The following ADAMTS7 variants were observed in gnomAD, a reference collection of about 807,000 sequenced individuals.
ADAMTS7 encodes the protein A disintegrin and metalloproteinase with thrombospondin motifs 7.
A neutral mutation model predicts 172.6 loss-of-function variants in ADAMTS7; 89 were observed. That is an observed-to-expected ratio of 0.52 (90% CI 0.43 to 0.61). ADAMTS7 has a LOEUF of 0.61. Ranked by LOEUF, ADAMTS7 falls within the 20% of genes least tolerant of loss-of-function variation. The pLI is 0.00. For synonymous variants in ADAMTS7, 885 were observed against 978.4 expected, an observed-to-expected ratio of 0.90 and a Z score of 1.78; for missense variants, 1,973 against 2,355.6, an observed-to-expected ratio of 0.84 and a Z score of 3.36.
rs2055301901 is a variant in ADAMTS7 at position 78,774,285 on chromosome 15, A to T, written c.1892T>A (p.Leu631Gln). ...GTACTCATTCGCGGGCCGGCAGTGC[A>T]GCTCGCAGGGGTTCACTGAGGGCCC... ...PVVNDVNPCE[L>Q]HCRPANEYFA... is the part of the protein sequence containing the mutation. The change falls in exon 13 of 24, where the codon CTG (leucine) becomes CAG (glutamine). Residue 631 changes from leucine to glutamine, a missense_variant. Around this residue, in one of 8 missense-constraint regions of ADAMTS7, gnomAD observed 526 missense variants for 662.9 expected, o/e 0.79. Transcript: ENST00000388820. 5 of 1,573,372 alleles carry T rather than the reference A, an allele frequency of 3.2e-6. No individual in the cohort carries two copies. The highest frequency in any genetic ancestry group is 4.3e-6 in the Non-Finnish European group (5 of 1,169,078).
intron 19 of ADAMTS7, 144 bp from the exon 20 acceptor site, chr15:78,764,851 G>T (rs1427895686): frequency 2.8e-5 from 24 of 853,706 alleles, no homozygotes; most frequent in Non-Finnish European, 3.7e-5. Context: ...TGCAAAATAG[G>T]CTCCTTCACC....
intron 8 of ADAMTS7, among the ~76,000 whole-genome samples, chr15:78,783,480 G>A (rs1382579958): frequency 6.6e-6 from 1 of 151,720 alleles, no homozygotes; most frequent in Admixed American, 6.6e-5. Flanking sequence ...GTTTCACCAT[G>A]TTGGCCAGGC....
chr15:78,787,574 G>A (rs1408771236), intron 8 of ADAMTS7, among the ~76,000 whole-genome samples: 1 of 152,162 alleles, frequency 6.6e-6, no homozygotes, highest in Non-Finnish European at 1.5e-5. Flanking sequence ...TGAGGCAGGA[G>A]AATCGCTTGA....
rs74679220 is a variant in ADAMTS7 at position 78,791,892 on chromosome 15, C to T, written c.820-669G>A. Among the ~76,000 whole-genome samples, 470 of 152,236 alleles carry T rather than the reference C, an allele frequency of 3.1e-3. 3 individuals are homozygous for T. The highest frequency in any genetic ancestry group is 0.011 in the African/African-American group (448 of 41,540). On this transcript the variant is annotated intron_variant, in intron 4 of 23. Coordinates refer to ENST00000388820, the MANE Select transcript of ADAMTS7 (RefSeq NM_014272.5). ...TGAGACCCAGGAGACGGGGCTATCC[C>T]CAAAGATGGAAGATAAGCCAAGGTG...
At chr15:78,776,660 CT>C in intron 10 of ADAMTS7, 88 bp downstream of exon 10, 1 of 1,318,714 alleles carries the variant, frequency 7.6e-7, no homozygotes, top group East Asian at 2.5e-5. Flanking sequence ...ACAAGCAAGA[CT>C]GTGAGCCGGG....
chr15:78,767,144 G>A lies in ADAMTS7; in HGVS notation c.2860-93C>T, dbSNP rs547206205. ...CTGGGTAACCTGTCCACTGCCCGAT[G>A]TCAGAGTGGCAGAGACCCCAGCCAG... is the stretch of plus-strand genomic sequence containing the variant. On this transcript the variant is annotated intron_variant, in intron 18 of 23. Coordinates refer to ENST00000388820, the MANE Select transcript of ADAMTS7 (RefSeq NM_014272.5). The A allele has an allele frequency of 7.3e-4, 997 of 1,366,542 alleles. 13 individuals carry two copies. The South Asian group carries it at 0.013, about 18-fold the overall frequency. 84.7% of individuals were successfully genotyped at this position (1,366,542 alleles called of 1,614,324 possible). A position where few individuals can be genotyped will look rare whatever the true frequency, so the allele number is the denominator to read the frequency against.
rs775626373 is a variant in ADAMTS7 at position 78,797,945 on chromosome 15, T to C, written c.622+3A>G. The C allele has an allele frequency of 3.1e-5, 49 of 1,596,934 alleles. No individual in the cohort carries two copies. The highest frequency in any genetic ancestry group is 6.8e-6 in the Non-Finnish European group (8 of 1,174,200). ...CCCGAGAACTGGGAGCAGAAGAGCA[T>C]ACCTTGCACTCCACAGGTGCTTGGA... On this transcript the variant is annotated splice_donor_region_variant and intron_variant, in intron 3 of 23. Coordinates refer to ENST00000388820, the MANE Select transcript of ADAMTS7 (RefSeq NM_014272.5).
chr15:78,775,703 C>T (rs1048071483), intron 11 of ADAMTS7, among the ~76,000 whole-genome samples: 3 of 152,232 alleles, frequency 2.0e-5, no homozygotes, highest in Non-Finnish European at 4.4e-5. Flanking sequence ...GCCCCTCCCG[C>T]TGAGTGCCCA....
At chr15:78,803,859 C>T (rs1229581064) in intron 1 of ADAMTS7, among the ~76,000 whole-genome samples, 1 of 152,222 alleles carries the variant, frequency 6.6e-6, no homozygotes, top group African/African-American at 2.4e-5. Context: ...GGTAACAAAA[C>T]CACAGGTGCT....
At position 78,789,074 on chromosome 15, in the gene ADAMTS7, G is replaced by A. The variant is rs188056764; in HGVS notation, c.1178+615C>T. 2.2e-3 allele frequency among the ~76,000 whole-genome samples: 341 copies of A among 152,330 alleles called. 3 individuals are homozygous for A. The highest frequency in any genetic ancestry group is 6.2e-4 in the South Asian group (3 of 4,826). The stretch of plus-strand genomic sequence containing the variant: ...CGGCCATCGCCTACGAAACCCGGAC[G>A]TCTGAATGGATGACCCCAACAGCTT... On this transcript the variant is annotated intron_variant, in intron 7 of 23. Transcript: ENST00000388820.
chr15:78,759,970 G>A (rs28590060), intron 23 of ADAMTS7, among the ~76,000 whole-genome samples: 44,659 of 151,338 alleles, frequency 0.3, 7,674 homozygotes, highest in Middle Eastern at 0.43. Context: ...CCTCCTGCCA[G>A]CCTGCAGCGG....
At chr15:78,807,924 G>C (rs1024736283) in intron 1 of ADAMTS7, among the ~76,000 whole-genome samples, 7 of 151,250 alleles carry the variant, frequency 4.6e-5, no homozygotes, top group African/African-American at 1.5e-4. Flanking sequence ...ATGCGATCGT[G>C]GTTTACTGCA....
chr15:78,776,409 G>C (rs531475132), intron 10 of ADAMTS7, 76 bp from the exon 11 acceptor site: 2 of 1,538,772 alleles, frequency 1.3e-6, no homozygotes, highest in Non-Finnish European at 1.8e-6. Flanking sequence ...AGAACAAGGT[G>C]GGTGGGAAGG....
At chr15:78,774,373 C>T (rs914165222) in intron 12 of ADAMTS7, 73 bp from the exon 13 acceptor site, 12 of 1,477,710 alleles carry the variant, frequency 8.1e-6, no homozygotes, top group Admixed American at 6.4e-5. Context: ...AAGACCCCTC[C>T]GTGACACACA....
In ADAMTS7 at chr15:78,776,903, C is replaced by T. The variant is rs540880804; in HGVS notation, c.1468-62G>A. 2.1e-4 allele frequency: 283 copies of T among 1,378,848 alleles called. 3 individuals are homozygous for T. The South Asian group carries it at 3.3e-3, about 16-fold the overall frequency. The allele number at this position is 1,378,848 out of a possible 1,614,324, so 85.4% of individuals were successfully genotyped here. ...CTCCCCAGTGCCGCCACCCACCCTG[C>T]CCCCCTCCCTGTCCCCAAGGGTCCC... On this transcript the variant is annotated intron_variant, in intron 9 of 23. Transcript: ENST00000388820.
chr15:78,759,472 C>A lies in ADAMTS7; in HGVS notation c.5010G>T (p.Pro1670=). The A allele has an allele frequency of 1.3e-6, 2 of 1,596,654 alleles. No homozygotes were observed. Among genetic ancestry groups the A allele is most frequent in the South Asian group, 1.1e-5 (1 of 90,258 alleles). ...CTCGGGAGGGGGCGCCGTGGCTGGGCGGAGAGCACGAGCGGCAGCACTGGG... is the reference window on the plus strand; with the variant it reads ...CTCGGGAGGGGGCGCCGTGGCTGGGAGGAGAGCACGAGCGGCAGCACTGGG... The part of the protein sequence containing the change: ...IRTQCCRSCS[P]PSHGAPSRGH... The change falls in exon 24 of 24, where the codon CCG becomes CCT. Residue 1670 remains proline (P), a synonymous_variant. Coordinates refer to ENST00000388820, the MANE Select transcript of ADAMTS7 (RefSeq NM_014272.5).
Position 78,768,155 on chromosome 15 carries a change from T to C in ADAMTS7, c.2623A>G (p.Ser875Gly). The change falls in exon 17 of 24, where the codon AGC becomes GGC. Residue 875 changes from serine to glycine, a missense_variant. Ser to Gly is a moderately conservative substitution (Grantham distance 56). This residue lies in a region of ADAMTS7 where 771 missense variants were observed against 952.6 expected (regional missense o/e 0.81). Coordinates refer to ENST00000388820, the MANE Select transcript of ADAMTS7 (RefSeq NM_014272.5). ...CACCTGGCAGGGCAGGGCTGCTCGC[T>C]GCACTTCCTCTGTTGGTCATCAGGC... ...GRPDDQQRKCSEQPCPARWWA... is the reference protein window; with the variant it reads ...GRPDDQQRKCGEQPCPARWWA... 6.2e-7 allele frequency: 1 copy of C among 1,603,138 alleles called. No individual in the cohort carries two copies.
chr15:78,759,585 T>TG lies in ADAMTS7; in HGVS notation c.4904-8dup, dbSNP rs774208991. On this transcript the variant is annotated splice_region_variant and splice_polypyrimidine_tract_variant and intron_variant, in intron 23 of 23. Coordinates refer to ENST00000388820, the MANE Select transcript of ADAMTS7 (RefSeq NM_014272.5). ...AGGCGGTCCCGCTCACAGCCTGGAG[T>TG]GGGGGGGCAGAGAGGCATCAGAACC... 44 of 1,572,978 alleles carry TG rather than the reference T, an allele frequency of 2.8e-5. No homozygotes were observed. Among genetic ancestry groups the TG allele is most frequent in the Admixed American group, 5.2e-5 (3 of 57,662 alleles).
At chr15:78,791,083 G>A (rs2055574111) in intron 5 of ADAMTS7, 57 bp downstream of exon 5, 1 of 1,562,618 alleles carries the variant, frequency 6.4e-7, no homozygotes, top group South Asian at 1.2e-5. Flanking sequence ...CATGCGGCAG[G>A]AGGGCTCTGG....
Sources: allele counts gnomAD v4.1 joint callset (sites outside exome capture counted in the v4.1 genomes callset), GRCh38; gene constraint gnomAD v4.1.1; regional missense constraint gnomAD v4.1.1; transcripts MANE v1.5; gene names NCBI Gene and HGNC (gene_info 2026-07-23, HGNC 2026-07-21).